RYR2: variants seen among roughly 807,000 people sequenced by gnomAD.
RYR2 encodes cardiac muscle ryanodine receptor-calcium release channel.
In RYR2, 227 loss-of-function variants were observed where a neutral mutation model predicts 601.1. The ratio of observed to expected loss-of-function variants is 0.38; its 90% CI spans 0.34 to 0.42. The LOEUF (loss-of-function observed/expected upper bound fraction) is 0.42. RYR2 is among the 10% of genes least tolerant of loss of function. RYR2 has a pLI of 1.00. For synonymous variants in RYR2, 2,223 were observed against 2,175.1 expected, an observed-to-expected ratio of 1.02 and a Z score of -0.61; for missense variants, 4,646 against 6,156.5, an observed-to-expected ratio of 0.75 and a Z score of 8.21.
intron 17 of RYR2, among the ~76,000 whole-genome samples, chr1:237,484,057 T>A (rs559898259): frequency 1.3e-5 from 2 of 152,258 alleles, no homozygotes; most frequent in South Asian, 4.1e-4. Flanking sequence ...TCCTACTAAT[T>A]AGCACTCAGC....
intron 18 of RYR2, among the ~76,000 whole-genome samples, chr1:237,492,628 G>C (rs1663486463): frequency 6.6e-6 from 1 of 152,014 alleles, no homozygotes; most frequent in Non-Finnish European, 1.5e-5. Context: ...GTTGCTTGAG[G>C]CCAGGAGTTT....
intron 67 of RYR2, among the ~76,000 whole-genome samples, chr1:237,706,214 A>C (rs1573603859): frequency 6.6e-6 from 1 of 152,110 alleles, no homozygotes; most frequent in Non-Finnish European, 1.5e-5. Context: ...GCGCCACTGC[A>C]CTCCAGCCTG....
At chr1:237,125,423 T>TAA (rs35773659) in intron 1 of RYR2, among the ~76,000 whole-genome samples, 272 of 130,146 alleles carry the variant, frequency 2.1e-3, no homozygotes, top group African/African-American at 6.5e-3. Flanking sequence ...GCTGTTTTGC[T>TAA]AAAAAAAAAA....
intron 1 of RYR2, among the ~76,000 whole-genome samples, chr1:237,086,561 T>C (rs1483154439): frequency 6.6e-6 from 1 of 152,150 alleles, no homozygotes; most frequent in Non-Finnish European, 1.5e-5. Flanking sequence ...TTTATCTTAC[T>C]ATGGTGTTAT....
At chr1:237,816,200 G>A (rs538795350) in intron 100 of RYR2, among the ~76,000 whole-genome samples, 1 of 152,238 alleles carries the variant, frequency 6.6e-6, no homozygotes, top group South Asian at 2.1e-4. Flanking sequence ...CCAGAACCAG[G>A]TATACTATCC....
chr1:237,134,145 T>G (rs1221177907), intron 1 of RYR2, among the ~76,000 whole-genome samples: 1 of 152,168 alleles, frequency 6.6e-6, no homozygotes, highest in Non-Finnish European at 1.5e-5. Context: ...TCTGAGACAC[T>G]GTGGTTCAGG....
chr1:237,398,439 T>C (rs1041823366), intron 10 of RYR2, among the ~76,000 whole-genome samples: 9 of 151,990 alleles, frequency 5.9e-5, no homozygotes, highest in Admixed American at 2.6e-4. Context: ...AATTAGAAAA[T>C]AGGCAAAAAC....
chr1:237,253,648 G>A (rs1687686127), intron 1 of RYR2, among the ~76,000 whole-genome samples: 1 of 152,194 alleles, frequency 6.6e-6, no homozygotes, highest in African/African-American at 2.4e-5. Context: ...TGTTTTGCTT[G>A]TACTTACTTT....
chr1:237,458,435 A>G (rs1659094287), intron 16 of RYR2, among the ~76,000 whole-genome samples: 1 of 152,296 alleles, frequency 6.6e-6, no homozygotes, highest in East Asian at 1.9e-4. Flanking sequence ...TCTCAAAACA[A>G]AAACAAAAAT....
intron 1 of RYR2, among the ~76,000 whole-genome samples, chr1:237,103,348 C>T (rs1045643537): frequency 6.6e-6 from 1 of 152,248 alleles, no homozygotes; most frequent in Non-Finnish European, 1.5e-5. Context: ...TTCTCCATAT[C>T]CTGCTGCCCA....
intron 87 of RYR2, among the ~76,000 whole-genome samples, chr1:237,777,595 A>T (rs1406591014): frequency 6.6e-6 from 1 of 152,192 alleles, no homozygotes; most frequent in Non-Finnish European, 1.5e-5. Context: ...GGTTTACAAA[A>T]CTGAATGATG....
rs532683281 is a variant in RYR2 at position 237,169,742 on chromosome 1, C to T, written c.49-100755C>T. Among the ~76,000 whole-genome samples, 29 of 152,216 alleles carry T rather than the reference C, an allele frequency of 1.9e-4. No individual in the cohort carries two copies. The East Asian group carries it at 2.3e-3, about 12-fold the overall frequency. ...TGATAAAGTAAGCAGACTTGCTTGGCGCTCTAGAAATAATTATACTATTTG... is the reference window on the plus strand; with the variant it reads ...TGATAAAGTAAGCAGACTTGCTTGGTGCTCTAGAAATAATTATACTATTTG... On this transcript the variant is annotated intron_variant, in intron 1 of 104. Transcript: ENST00000366574.
chr1:237,800,276 A>G (rs897906157), intron 97 of RYR2, among the ~76,000 whole-genome samples: 3 of 152,196 alleles, frequency 2.0e-5, no homozygotes, highest in African/African-American at 7.2e-5. Flanking sequence ...GCAAACTACT[A>G]CATTTTTTCC....
intron 1 of RYR2, among the ~76,000 whole-genome samples, chr1:237,058,189 C>G (rs1662405101): frequency 6.6e-6 from 1 of 152,078 alleles, no homozygotes; most frequent in Non-Finnish European, 1.5e-5. Context: ...AATAGTCAGT[C>G]TAGGGATATA....
At chr1:237,462,352 G>T (rs1659577751) in intron 16 of RYR2, among the ~76,000 whole-genome samples, 1 of 152,134 alleles carries the variant, frequency 6.6e-6, no homozygotes, top group African/African-American at 2.4e-5. Context: ...ATGTGTTTTA[G>T]GTGGAGAATG....
At chr1:237,232,084 C>T (rs573555978) in intron 1 of RYR2, among the ~76,000 whole-genome samples, 5 of 152,148 alleles carry the variant, frequency 3.3e-5, no homozygotes, top group African/African-American at 1.2e-4. Context: ...AAAATACATA[C>T]TTGGTGTTCA....
intron 84 of RYR2, among the ~76,000 whole-genome samples, chr1:237,766,871 GCATTGTAT>G (rs1389794667): frequency 3.3e-5 from 5 of 152,196 alleles, no homozygotes. Context: ...AAATAGGAAT[GCATTGTAT>G]ACAACGCTGT....
intron 3 of RYR2, among the ~76,000 whole-genome samples, chr1:237,352,090 A>G (rs1219253624): frequency 1.3e-5 from 2 of 151,958 alleles, no homozygotes; most frequent in East Asian, 3.9e-4. Flanking sequence ...TTAAACACCT[A>G]TTCATTGTAA....
At chr1:237,486,837 T>A (rs907690168) in intron 17 of RYR2, among the ~76,000 whole-genome samples, 6 of 152,202 alleles carry the variant, frequency 3.9e-5, no homozygotes, top group East Asian at 1.9e-4. Flanking sequence ...TGGTCTTTTT[T>A]AAAATATGTA....
Sources: allele counts gnomAD v4.1 joint callset (sites outside exome capture counted in the v4.1 genomes callset), GRCh38; gene constraint gnomAD v4.1.1; transcripts MANE v1.5; gene names NCBI Gene and HGNC (gene_info 2026-07-23, HGNC 2026-07-21).